GALNT13: variants seen among roughly 807,000 people sequenced by gnomAD.
The protein encoded by GALNT13 is UDP-GalNAc:polypeptide N-acetylgalactosaminyltransferase 13.
Under a neutral mutation model 64.2 loss-of-function variants are expected in GALNT13, and 28 were observed. That is an observed-to-expected ratio of 0.44 (90% confidence interval 0.32 to 0.60). The LOEUF (loss-of-function observed/expected upper bound fraction) is 0.60, where lower values mean the gene tolerates loss of function less well. Among genes scored for constraint, GALNT13 ranks in the 20% least tolerant of loss-of-function variants. The pLI, the probability that GALNT13 is intolerant of heterozygous loss-of-function variation, is 0.05. For missense variants in GALNT13, 577 were observed against 669.8 expected, an observed-to-expected ratio of 0.86 and a Z score of 1.53; for synonymous variants, 214 against 224.6, an observed-to-expected ratio of 0.95 and a Z score of 0.42.
At chr2:154,427,046 G>A (rs1450307422) in intron 11 of GALNT13, among the ~76,000 whole-genome samples, 1 of 152,154 alleles carries the variant, frequency 6.6e-6, no homozygotes, top group Admixed American at 6.5e-5. Flanking sequence ...ATCAAATGTA[G>A]ATTTTATGCA....
the GALNT13 span, among the ~76,000 whole-genome samples, chr2:153,670,243 G>T: frequency 6.6e-6 from 1 of 152,198 alleles, no homozygotes; most frequent in African/African-American, 2.4e-5. Flanking sequence ...GCCTCCTCAA[G>T]TAGGTCCCTG....
chr2:153,872,512 C>A (rs1174516705), intron 1 of GALNT13, among the ~76,000 whole-genome samples: 2 of 151,588 alleles, frequency 1.3e-5, no homozygotes, highest in African/African-American at 4.8e-5. Flanking sequence ...CGAGTGCGCT[C>A]GCTTGCGGGG....
intron 3 of GALNT13, among the ~76,000 whole-genome samples, chr2:154,072,463 A>G (rs1700782446): frequency 6.6e-6 from 1 of 152,090 alleles, no homozygotes; most frequent in African/African-American, 2.4e-5. Context: ...ACTGGAGCTA[A>G]TTGCATCTTA....
the GALNT13 span, among the ~76,000 whole-genome samples, chr2:153,227,841 AT>A: frequency 6.6e-6 from 1 of 152,356 alleles, no homozygotes; most frequent in Non-Finnish European, 1.5e-5. Context: ...TTATTAGTGA[AT>A]CCTGGAGTAA....
chr2:154,407,367 A>G (rs1484071760), intron 10 of GALNT13, among the ~76,000 whole-genome samples: 1 of 152,164 alleles, frequency 6.6e-6, no homozygotes, highest in African/African-American at 2.4e-5. Flanking sequence ...TGAAAAGTCA[A>G]TAAAATCTGA....
intron 9 of GALNT13, among the ~76,000 whole-genome samples, chr2:154,307,744 A>T (rs1224278836): frequency 6.6e-6 from 1 of 152,154 alleles, no homozygotes; most frequent in Non-Finnish European, 1.5e-5. Context: ...CAGTTTTCAC[A>T]AGTAATTGAG....
At chr2:153,726,865 G>A in the GALNT13 span, among the ~76,000 whole-genome samples, 22 of 150,832 alleles carry the variant, frequency 1.5e-4, no homozygotes, top group Middle Eastern at 3.4e-3. Flanking sequence ...GTGTGAACCC[G>A]GAAGACAGAG....
At chr2:154,284,542 C>CACACACACACACAG (rs1692150000) in intron 8 of GALNT13, among the ~76,000 whole-genome samples, 1 of 151,904 alleles carries the variant, frequency 6.6e-6, no homozygotes, top group Non-Finnish European at 1.5e-5. Context: ...CACACACACA[C>CACACACACACACAG]ACACACACAT....
chr2:153,976,472 G>C (rs952183267), intron 3 of GALNT13, among the ~76,000 whole-genome samples: 4 of 151,990 alleles, frequency 2.6e-5, no homozygotes, highest in African/African-American at 7.2e-5. Flanking sequence ...GATGTCTTCT[G>C]TTCCTAAATT....
At chr2:153,831,266 A>T in the GALNT13 span, among the ~76,000 whole-genome samples, 9 of 152,180 alleles carry the variant, frequency 5.9e-5, no homozygotes, top group Admixed American at 2.6e-4. Flanking sequence ...CTATTAATGT[A>T]CTTAGGAAAA....
intron 3 of GALNT13, among the ~76,000 whole-genome samples, chr2:154,138,742 T>C (rs1365291467): frequency 1.3e-5 from 2 of 152,142 alleles, no homozygotes; most frequent in Middle Eastern, 3.4e-3. Flanking sequence ...AAATGAAAGA[T>C]ACCTTAATGT....
chr2:153,073,135 T>C, the GALNT13 span, among the ~76,000 whole-genome samples: 65 of 152,154 alleles, frequency 4.3e-4, no homozygotes, highest in African/African-American at 1.5e-3. Flanking sequence ...CAATATGCTG[T>C]TCAAAAAAAT....
chr2:154,169,805 A>C (rs547871472), intron 4 of GALNT13, among the ~76,000 whole-genome samples: 1 of 152,260 alleles, frequency 6.6e-6, no homozygotes, highest in Non-Finnish European at 1.5e-5. Flanking sequence ...CACCCACCGT[A>C]TTCAATGATG....
intron 2 of GALNT13, among the ~76,000 whole-genome samples, chr2:153,924,566 G>GTATA (rs1689982383): frequency 6.6e-6 from 1 of 151,982 alleles, no homozygotes; most frequent in Admixed American, 6.6e-5. Flanking sequence ...ATTCCTTTGG[G>GTATA]TATATACCCA....
intron 2 of GALNT13, among the ~76,000 whole-genome samples, chr2:153,921,445 A>G (rs1464262640): frequency 6.6e-6 from 1 of 152,166 alleles, no homozygotes; most frequent in Non-Finnish European, 1.5e-5. Flanking sequence ...GGGGAACAAC[A>G]GGCACCAAGG....
chr2:154,025,457 C>T (rs1158878040), intron 3 of GALNT13, among the ~76,000 whole-genome samples: 2 of 152,180 alleles, frequency 1.3e-5, no homozygotes, highest in Non-Finnish European at 2.9e-5. Flanking sequence ...AGACACATAA[C>T]ACATTCATTC....
chr2:153,941,591 A>T (rs985907084), intron 2 of GALNT13, among the ~76,000 whole-genome samples: 4 of 152,152 alleles, frequency 2.6e-5, no homozygotes, highest in African/African-American at 9.7e-5. Flanking sequence ...GATTCTCTTA[A>T]ATAAACCTGG....
At chr2:153,504,672 G>T in the GALNT13 span, among the ~76,000 whole-genome samples, 5 of 152,156 alleles carry the variant, frequency 3.3e-5, no homozygotes, top group Admixed American at 3.3e-4. Context: ...TTCTGTTTAT[G>T]TGGTGTGTCA....
rs1701885426 is a variant in GALNT13, at chr2:154,451,918, C to T, written c.*1367C>T. 1 of 152,090 alleles carries T rather than the reference C, an allele frequency of 6.6e-6. No homozygotes were observed. Among genetic ancestry groups the T allele is most frequent in the Admixed American group, 6.6e-5 (1 of 15,234 alleles). The allele number at this position is 152,090 out of a possible 1,614,324, so 9.4% of individuals were successfully genotyped here. A position where few individuals can be genotyped will look rare whatever the true frequency, so the allele number is the denominator to read the frequency against. On this transcript the variant is annotated 3_prime_UTR_variant, in exon 13 of 13. Transcript: ENST00000392825. ...GTGTTTTCTGGAGCAGAAGATTCCA[C>T]TTCTTTGGTCCTCATCTTTACTTAA...
Sources: gnomAD v4.1 joint callset for allele counts (sites outside exome capture counted in the v4.1 genomes callset) on GRCh38, gnomAD v4.1.1 for gene constraint, MANE v1.5 for transcripts, NCBI Gene and HGNC (gene_info 2026-07-23, HGNC 2026-07-21) for gene names.